The following GRID1 variants were observed in gnomAD, a reference collection of about 807,000 sequenced individuals.
GRID1 encodes the protein glutamate receptor ionotropic, delta-1.
Under a neutral mutation model 98.0 loss-of-function variants are expected in GRID1, and 28 were observed. That is an observed-to-expected ratio of 0.29 (90% CI 0.21 to 0.39). GRID1 has a LOEUF of 0.39. Among genes scored for constraint, GRID1 ranks in the 10% least tolerant of loss-of-function variants. The pLI, the probability that GRID1 is intolerant of heterozygous loss-of-function variation, is 1.00. For missense variants in GRID1, 1,111 were observed against 1,340.5 expected (o/e 0.83, Z 2.67); for synonymous variants, 553 against 538.5 (o/e 1.03, Z -0.37).
intron 2 of GRID1, among the ~76,000 whole-genome samples, chr10:86,319,788 G>A (rs1290567089): frequency 1.3e-5 from 2 of 152,220 alleles, no homozygotes; most frequent in Non-Finnish European, 2.9e-5. Context: ...AGGATCTGCT[G>A]TCCAGGGTGC....
intron 8 of GRID1, among the ~76,000 whole-genome samples, chr10:85,851,746 G>C (rs1262505520): frequency 6.6e-6 from 1 of 151,958 alleles, no homozygotes; most frequent in Admixed American, 6.6e-5. Flanking sequence ...TGCCCAGTCG[G>C]CTCCTCTAGC....
intron 2 of GRID1, among the ~76,000 whole-genome samples, chr10:86,308,109 G>A (rs1343856321): frequency 6.6e-6 from 1 of 151,960 alleles, no homozygotes; most frequent in Non-Finnish European, 1.5e-5. Context: ...TTCCACCTCA[G>A]TGTGAATTCT....
intron 12 of GRID1, among the ~76,000 whole-genome samples, chr10:85,721,830 G>A (rs950830366): frequency 2.6e-5 from 4 of 152,096 alleles, no homozygotes; most frequent in East Asian, 1.9e-4. Flanking sequence ...GTATAGACCC[G>A]AATGCACACA....
chr10:86,003,834 A>T (rs1842829037), intron 4 of GRID1, among the ~76,000 whole-genome samples: 1 of 152,368 alleles, frequency 6.6e-6, no homozygotes, highest in South Asian at 2.1e-4. Flanking sequence ...GATGTGAAAA[A>T]TAAAGTGTAA....
chr10:86,275,821 C>T (rs1847261073), intron 2 of GRID1, among the ~76,000 whole-genome samples: 1 of 152,016 alleles, frequency 6.6e-6, no homozygotes, highest in South Asian at 2.1e-4. Flanking sequence ...TATGAGTGTT[C>T]CAGAAGGAGA....
chr10:85,641,750 T>C (rs1208342548), intron 13 of GRID1, among the ~76,000 whole-genome samples: 2 of 152,182 alleles, frequency 1.3e-5, no homozygotes, highest in African/African-American at 4.8e-5. Context: ...GCTCAATAGA[T>C]TTCAGAGGGA....
intron 2 of GRID1, among the ~76,000 whole-genome samples, chr10:86,272,129 T>C (rs544996083): frequency 9.9e-5 from 15 of 152,260 alleles, no homozygotes; most frequent in South Asian, 6.2e-4. Context: ...ACATCTTTAG[T>C]ATTGAAAGAG....
At chr10:86,045,324 C>T (rs1277907392) in intron 4 of GRID1, among the ~76,000 whole-genome samples, 4 of 151,052 alleles carry the variant, frequency 2.6e-5, no homozygotes, top group East Asian at 2.0e-4. Context: ...CTTTTTGGAC[C>T]GAGGTCTCGA....
At chr10:85,704,021 T>A (rs555570706) in intron 12 of GRID1, among the ~76,000 whole-genome samples, 1 of 152,270 alleles carries the variant, frequency 6.6e-6, no homozygotes, top group South Asian at 2.1e-4. Flanking sequence ...AATTCTGGGT[T>A]GAAAATTATT....
intron 2 of GRID1, among the ~76,000 whole-genome samples, chr10:86,300,455 A>G (rs1389397846): frequency 7.7e-6 from 1 of 129,588 alleles, no homozygotes; most frequent in African/African-American, 2.9e-5. Context: ...TGACAGAGCC[A>G]GAGGGAACAG....
intron 3 of GRID1, among the ~76,000 whole-genome samples, chr10:86,200,841 T>A (rs77828443): frequency 0.042 from 6,366 of 152,208 alleles, 236 homozygotes; most frequent in African/African-American, 0.09. Context: ...CCCAACCTCA[T>A]CTATCATCAA....
intron 12 of GRID1, among the ~76,000 whole-genome samples, chr10:85,652,761 C>A (rs1840839882): frequency 6.6e-6 from 1 of 152,128 alleles, no homozygotes; most frequent in Non-Finnish European, 1.5e-5. Context: ...TCCCCAGCGC[C>A]CCCCAGCCTC....
intron 4 of GRID1, among the ~76,000 whole-genome samples, chr10:85,920,876 G>C (rs978145721): frequency 3.3e-5 from 5 of 152,140 alleles, no homozygotes; most frequent in African/African-American, 1.2e-4. Flanking sequence ...TGTGGCTGAG[G>C]GACACAAACC....
intron 2 of GRID1, among the ~76,000 whole-genome samples, chr10:86,236,933 G>T (rs1329821170): frequency 1.3e-5 from 2 of 152,150 alleles, no homozygotes; most frequent in African/African-American, 4.8e-5. Flanking sequence ...CCATGCTGGA[G>T]CCCCTGAGCA....
intron 4 of GRID1, among the ~76,000 whole-genome samples, chr10:85,982,127 A>C (rs1842551276): frequency 6.6e-6 from 1 of 151,744 alleles, no homozygotes; most frequent in Non-Finnish European, 1.5e-5. Flanking sequence ...GAAGTTGGAG[A>C]CCAGGACAGA....
chr10:85,710,954 C>A (rs1841575437), intron 12 of GRID1, among the ~76,000 whole-genome samples: 1 of 151,788 alleles, frequency 6.6e-6, no homozygotes, highest in African/African-American at 2.4e-5. Flanking sequence ...AACAGACAAA[C>A]AAACAAAAAG....
intron 2 of GRID1, among the ~76,000 whole-genome samples, chr10:86,349,033 CACAG>C (rs1848428216): frequency 6.6e-6 from 1 of 152,240 alleles, no homozygotes; most frequent in African/African-American, 2.4e-5. Flanking sequence ...GCTATGTCCT[CACAG>C]ACAGGCAATG....
At position 86,050,781 on chromosome 10, in the gene GRID1, T is replaced by C. The variant is rs565001415; in HGVS notation, c.726+88038A>G. Among the ~76,000 whole-genome samples, 7 of 151,168 alleles carry C rather than the reference T, an allele frequency of 4.6e-5. No homozygotes were observed. In the South Asian group the frequency reaches 1.2e-3, roughly 27 times the overall value. On this transcript the variant is annotated intron_variant, in intron 4 of 15. Coordinates refer to ENST00000327946, the MANE Select transcript of GRID1 (RefSeq NM_017551.3). ...GTTTTCCCTAAACTATAATAACTTA[T>C]AAATGTAAAGCAATTGCAATGGAAT...
intron 5 of GRID1, among the ~76,000 whole-genome samples, chr10:85,904,285 G>A (rs1214803412): frequency 6.6e-6 from 1 of 152,210 alleles, no homozygotes; most frequent in Non-Finnish European, 1.5e-5. Context: ...AATAGGCAAT[G>A]AAGAATAGCG....
Sources: allele counts gnomAD v4.1 joint callset (sites outside exome capture counted in the v4.1 genomes callset), GRCh38; gene constraint gnomAD v4.1.1; transcripts MANE v1.5; gene names NCBI Gene and HGNC (gene_info 2026-07-23, HGNC 2026-07-21).